The following PTGS2 variants were observed in gnomAD, a reference collection of about 807,000 sequenced individuals.
PTGS2 encodes prostaglandin G/H synthase 2.
Under a neutral mutation model 63.8 loss-of-function variants are expected in PTGS2, and 14 were observed. That is an observed-to-expected ratio of 0.22 (90% CI 0.14 to 0.34). The LOEUF is 0.34. Among genes scored for constraint, PTGS2 ranks in the 10% least tolerant of loss-of-function variants. The pLI, the probability that PTGS2 is intolerant of heterozygous loss-of-function variation, is 1.00. For missense variants in PTGS2, 533 were observed against 738.5 expected (o/e 0.72, Z 3.23); for synonymous variants, 271 against 259.5 (o/e 1.04, Z -0.43).
chr1:186,673,977 G>A lies in PTGS2; in HGVS notation c.*376C>T, dbSNP rs1665734879. ...CATTAGTTACTTCTAATGCATCATGGAAGATGCATTGGAAACATCGACAGT... is the reference window on the plus strand; with the variant it reads ...CATTAGTTACTTCTAATGCATCATGAAAGATGCATTGGAAACATCGACAGT... On this transcript the variant is annotated 3_prime_UTR_variant, in exon 10 of 10. Coordinates refer to ENST00000367468, the MANE Select transcript of PTGS2 (RefSeq NM_000963.4). 1 of 153,174 alleles carries A rather than the reference G, an allele frequency of 6.5e-6. No individual in the cohort carries two copies. Among genetic ancestry groups the A allele is most frequent in the South Asian group, 2.1e-4 (1 of 4,834 alleles). The allele number at this position is 153,174 out of a possible 1,614,324, so 9.5% of individuals were successfully genotyped here. A position where few individuals can be genotyped will look rare whatever the true frequency, so the allele number is the denominator to read the frequency against.
intron 8 of PTGS2, 111 bp downstream of exon 8, chr1:186,675,787 A>G: frequency 1.8e-6 from 2 of 1,100,924 alleles, no homozygotes; most frequent in South Asian, 1.8e-5. Flanking sequence ...TAATTTTACT[A>G]GCAATATAAC....
At chr1:186,676,333 C>T in intron 7 of PTGS2, 134 bp downstream of exon 7, 1 of 1,384,602 alleles carries the variant, frequency 7.2e-7, no homozygotes, top group Non-Finnish European at 9.8e-7. Context: ...ATCAGTCATG[C>T]TTACATATTT....
In PTGS2 at chr1:186,672,797, C is replaced by G. The variant is rs925214068; in HGVS notation, c.*1556G>C. ...ACAGTTCTCTCTGAGGCACTAGCCT[C>G]TTTGCATCCATCTTGGTTACAGATA... On this transcript the variant is annotated 3_prime_UTR_variant, in exon 10 of 10. Transcript: ENST00000367468. The G allele has an allele frequency of 3.3e-5, 5 of 152,580 alleles. No individual in the cohort carries two copies. Among genetic ancestry groups the G allele is most frequent in the Admixed American group, 2.6e-4 (4 of 15,278 alleles). 9.5% of individuals were successfully genotyped at this position (152,580 alleles called of 1,614,324 possible). A position where few individuals can be genotyped will look rare whatever the true frequency, so the allele number is the denominator to read the frequency against.
At position 186,676,464 on chromosome 1, in the gene PTGS2, T is replaced by C. The variant is rs200992222; in HGVS notation, c.970+3A>G. The C allele has an allele frequency of 5.0e-4, 809 of 1,612,200 alleles. No individual in the cohort carries two copies. The highest frequency in any genetic ancestry group is 6.4e-4 in the Non-Finnish European group (751 of 1,178,602). On this transcript the variant is annotated splice_donor_region_variant and intron_variant, in intron 7 of 9. Coordinates refer to ENST00000367468, the MANE Select transcript of PTGS2 (RefSeq NM_000963.4). ...GTTTTATATAAATCATTTTCTTGTTTACCTATCAGTATTAGCCTGCTTGTC... is the reference window on the plus strand; with the variant it reads ...GTTTTATATAAATCATTTTCTTGTTCACCTATCAGTATTAGCCTGCTTGTC...
At chr1:186,679,581 G>A (rs1024273181) in intron 1 of PTGS2, 143 bp from the exon 2 acceptor site, 3 of 641,422 alleles carry the variant, frequency 4.7e-6, no homozygotes, top group Non-Finnish European at 5.3e-6. Context: ...TTTTTAACCT[G>A]CCTTAGAATG....
chr1:186,679,915 C>T (rs897807211), intron 1 of PTGS2, among the ~76,000 whole-genome samples: 1 of 152,112 alleles, frequency 6.6e-6, no homozygotes, highest in Non-Finnish European at 1.5e-5. Flanking sequence ...AAAAAGGTTC[C>T]AAATATAAAC....
At chr1:186,677,549 A>T in intron 5 of PTGS2, 100 bp downstream of exon 5, 1 of 1,213,384 alleles carries the variant, frequency 8.2e-7, no homozygotes, top group South Asian at 2.1e-5. Context: ...AAAGTGGATA[A>T]GTTATTTGGA....
rs201342852 is a variant in PTGS2, at chr1:186,674,598, C to T, written c.1570G>A (p.Val524Ile). The part of the protein sequence containing the change: ...PFSLKGLMGN[V>I]ICSPAYWKPS... Reference sequence around the variant, plus strand: ...TTCCAGTAGGCAGGAGAACATATAACATTACCCATAAGTCCTTTCAAGGAG... The same window carrying T: ...TTCCAGTAGGCAGGAGAACATATAATATTACCCATAAGTCCTTTCAAGGAG... Residue 524 changes from valine to isoleucine, a missense_variant, in exon 10 of 10, where the codon GTT (valine) becomes ATT (isoleucine). Coordinates refer to ENST00000367468, the MANE Select transcript of PTGS2 (RefSeq NM_000963.4). 1.8e-5 allele frequency: 29 copies of T among 1,614,094 alleles called. No individual in the cohort carries two copies. Among genetic ancestry groups the T allele is most frequent in the South Asian group, 2.2e-5 (2 of 91,086 alleles).
chr1:186,679,910 G>T (rs891166408), intron 1 of PTGS2, among the ~76,000 whole-genome samples: 4 of 152,108 alleles, frequency 2.6e-5, no homozygotes, highest in Non-Finnish European at 4.4e-5. Flanking sequence ...TCAATAAAAA[G>T]GTTCCAAATA....
intron 3 of PTGS2, among the ~76,000 whole-genome samples, chr1:186,678,658 A>AT (rs1665823709): frequency 2.6e-5 from 4 of 152,204 alleles, no homozygotes; most frequent in Non-Finnish European, 5.9e-5. Context: ...TCACTATCCA[A>AT]GAGGCCTATG....
Position 186,675,965 on chromosome 1 carries a change from T to G in PTGS2, c.1190A>C (p.Asn397Thr). Reference protein sequence around the residue: ...KYNYQQFIYNNSILLEHGITQ... With the variant: ...KYNYQQFIYNTSILLEHGITQ... ...AATTCCATGTTCCAGCAATATAGAG[T>G]TGTTGTAGATAAACTGTTGATAGTT... is the stretch of plus-strand genomic sequence containing the variant. The change falls in exon 8 of 10, where the codon AAC (asparagine) becomes ACC (threonine). Residue 397 changes from asparagine (N) to threonine (T), a missense_variant. This residue lies in a region of PTGS2 where 219 missense variants were observed against 267.4 expected (regional missense o/e 0.82). Coordinates refer to ENST00000367468, the MANE Select transcript of PTGS2 (RefSeq NM_000963.4). The G allele has an allele frequency of 6.2e-7, 1 of 1,613,906 alleles. No individual in the cohort carries two copies. The highest frequency in any genetic ancestry group is 8.5e-7 in the Non-Finnish European group (1 of 1,179,884).
chr1:186,680,207 G>T (rs1221487095), intron 1 of PTGS2, 32 bp downstream of exon 1: 2 of 1,549,702 alleles, frequency 1.3e-6, no homozygotes, highest in Non-Finnish European at 1.7e-6. Flanking sequence ...GCGTGGAACC[G>T]GAGTCCCCGG....
Position 186,678,390 on chromosome 1 carries a change from T to C in PTGS2, c.328A>G (p.Ile110Val). 1.3e-6 allele frequency: 2 copies of C among 1,598,200 alleles called. No homozygotes were observed. The highest frequency in any genetic ancestry group is 1.7e-6 in the Non-Finnish European group (2 of 1,173,274). The change falls in exon 4 of 10, where the codon ATT becomes GTT. Residue 110 changes from isoleucine to valine, a missense_variant. By Grantham distance (29) the Ile-to-Val change is conservative. Coordinates refer to ENST00000367468, the MANE Select transcript of PTGS2 (RefSeq NM_000963.4). ...GCATTGTAAGTTGGTGGACTGTCAA[T>C]CAAATGTGATCTGGCTGAAATTTTC... Reference protein sequence around the residue: ...SYVLTSRSHLIDSPPTYNADY... With the variant: ...SYVLTSRSHLVDSPPTYNADY...
intron 9 of PTGS2, 67 bp from the exon 10 acceptor site, chr1:186,674,829 T>C (rs943853715): frequency 6.7e-7 from 1 of 1,490,614 alleles, no homozygotes; most frequent in African/African-American, 1.4e-5. Context: ...ACAGTTTGAT[T>C]CTTTTGCTCA....
Position 186,676,102 on chromosome 1 carries a change from T to C in PTGS2, c.1053A>G (p.Leu351=), listed in dbSNP as rs1365214365. 6.2e-7 allele frequency: 1 copy of C among 1,614,124 alleles called. No individual in the cohort carries two copies. Among genetic ancestry groups the C allele is most frequent in the Non-Finnish European group, 8.5e-7 (1 of 1,179,986 alleles). ...YHFKLKFDPE[L]LFNKQFQYQN... ...GGTACTGGAATTGTTTGTTGAAAAGTAGTTCTGGGTCAAATTTCAGTTTGA... is the reference window on the plus strand; with the variant it reads ...GGTACTGGAATTGTTTGTTGAAAAGCAGTTCTGGGTCAAATTTCAGTTTGA... Residue 351 remains leucine (L), a synonymous_variant, in exon 8 of 10, where the codon CTA becomes CTG. Coordinates refer to ENST00000367468, the MANE Select transcript of PTGS2 (RefSeq NM_000963.4).
In PTGS2 at chr1:186,680,366, C is replaced by T; in HGVS notation, c.-76G>A. The stretch of plus-strand genomic sequence containing the variant: ...CGTCTGGCTGTGGAGCTGAAGGAGG[C>T]GCTGCTGAGGAGTTCCTGGACGTGC... On this transcript the variant is annotated 5_prime_UTR_variant, in exon 1 of 10. Coordinates refer to ENST00000367468, the MANE Select transcript of PTGS2 (RefSeq NM_000963.4). 1.7e-6 allele frequency: 2 copies of T among 1,171,570 alleles called. No homozygotes were observed. Among genetic ancestry groups the T allele is most frequent in the Non-Finnish European group, 1.2e-6 (1 of 840,664 alleles). The allele number at this position is 1,171,570 out of a possible 1,614,324, so 72.6% of individuals were successfully genotyped here.
chr1:186,680,166 C>T (rs1482899027), intron 1 of PTGS2, 73 bp downstream of exon 1: 7 of 1,548,308 alleles, frequency 4.5e-6, no homozygotes, highest in Non-Finnish European at 6.1e-6. Context: ...GGGATAGACC[C>T]AGGAGGTCAG....
At position 186,677,809 on chromosome 1, in the gene PTGS2, G is replaced by C; in HGVS notation, c.479C>G (p.Ser160Ter). The part of the protein sequence containing the change: ...GVKGKKQLPD[S>*]NEIVEKLLLR... Reference sequence around the variant, plus strand: ...AAGCAATTTTTCCACAATCTCATTTGAATCAGGAAGCTGCTTTTTACCTGA... The same window carrying C: ...AAGCAATTTTTCCACAATCTCATTTCAATCAGGAAGCTGCTTTTTACCTGA... The change falls in exon 5 of 10, where the codon TCA (serine) becomes TGA (stop). Residue 160 changes from serine to a stop codon, truncating the protein, a stop_gained. Transcript: ENST00000367468. LOFTEE classifies it high-confidence loss of function. The C allele has an allele frequency of 6.2e-7, 1 of 1,613,298 alleles. No individual in the cohort carries two copies. The highest frequency in any genetic ancestry group is 8.5e-7 in the Non-Finnish European group (1 of 1,179,752).
chr1:186,673,303 C>T lies in PTGS2; in HGVS notation c.*1050G>A, dbSNP rs1020970203. On this transcript the variant is annotated 3_prime_UTR_variant, in exon 10 of 10. Coordinates refer to ENST00000367468, the MANE Select transcript of PTGS2 (RefSeq NM_000963.4). Reference sequence around the variant, plus strand: ...AAATCTGAGAAAACATATCATTATTCAAGCACAGCTTGGTACTTCATTAAC... The same window carrying T: ...AAATCTGAGAAAACATATCATTATTTAAGCACAGCTTGGTACTTCATTAAC... 13 of 152,158 alleles carry T rather than the reference C, an allele frequency of 8.5e-5. No homozygotes were observed. Among genetic ancestry groups the T allele is most frequent in the African/African-American group, 3.1e-4 (13 of 41,440 alleles). The allele number at this position is 152,158 out of a possible 1,614,324, so 9.4% of individuals were successfully genotyped here.
Sources: gnomAD v4.1 joint callset for allele counts (sites outside exome capture counted in the v4.1 genomes callset) on GRCh38, gnomAD v4.1.1 for gene constraint, gnomAD v4.1.1 regional missense constraint, MANE v1.5 for transcripts, NCBI Gene and HGNC (gene_info 2026-07-23, HGNC 2026-07-21) for gene names.